The following MYRIP variants were observed in gnomAD, a reference collection of about 807,000 sequenced individuals.
MYRIP encodes the protein myosin VIIA and Rab interacting protein.
Under a neutral mutation model 98.0 loss-of-function variants are expected in MYRIP, and 49 were observed. The observed-to-expected ratio is 0.50, with a 90% CI of 0.40 to 0.63. MYRIP has a LOEUF of 0.63. Among genes scored for constraint, MYRIP ranks in the 30% least tolerant of loss-of-function variants. MYRIP has a pLI of 0.00. For missense variants in MYRIP, 1,004 were observed against 1,058.2 expected, an observed-to-expected ratio of 0.95 and a Z score of 0.71; for synonymous variants, 404 against 409.5, an observed-to-expected ratio of 0.99 and a Z score of 0.16.
chr3:40,116,941 G>A (rs1575550384), intron 3 of MYRIP, among the ~76,000 whole-genome samples: 1 of 152,092 alleles, frequency 6.6e-6, no homozygotes, highest in East Asian at 1.9e-4. Flanking sequence ...AGTTTCATAA[G>A]TTTGGAATGA....
chr3:40,032,699 G>A (rs1312042100), intron 2 of MYRIP, among the ~76,000 whole-genome samples: 2 of 152,026 alleles, frequency 1.3e-5, no homozygotes, highest in African/African-American at 2.4e-5. Flanking sequence ...GAAAAAGAGG[G>A]AATCCTCCCT....
intron 2 of MYRIP, among the ~76,000 whole-genome samples, chr3:39,904,538 GT>G (rs140670245): frequency 7.9e-5 from 12 of 151,316 alleles, no homozygotes; most frequent in Admixed American, 7.2e-4. Context: ...GCCTGGTCGT[GT>G]TTTTTTTTAT....
At chr3:39,965,985 A>G (rs1230852681) in intron 2 of MYRIP, among the ~76,000 whole-genome samples, 1 of 152,182 alleles carries the variant, frequency 6.6e-6, no homozygotes, top group African/African-American at 2.4e-5. Context: ...GTGAATGTTT[A>G]AGTCCTTATA....
At chr3:39,971,790 C>A (rs1945589532) in intron 2 of MYRIP, among the ~76,000 whole-genome samples, 1 of 152,034 alleles carries the variant, frequency 6.6e-6, no homozygotes. Context: ...GACAAGCACT[C>A]CGTTCTGTCT....
chr3:39,958,090 A>T (rs909869155), intron 2 of MYRIP, among the ~76,000 whole-genome samples: 1 of 152,232 alleles, frequency 6.6e-6, no homozygotes, highest in Admixed American at 6.5e-5. Context: ...ATATCATGAA[A>T]ATGGCCATAC....
rs140976200 is a variant in MYRIP at position 40,090,964 on chromosome 3, G to A, written c.332+46693G>A. 3.0e-3 allele frequency among the ~76,000 whole-genome samples: 461 copies of A among 152,274 alleles called. 2 individuals carry two copies. The highest frequency in any genetic ancestry group is 0.011 in the African/African-American group (443 of 41,558). ...CTTTCTTTCAGTCATGGTTTCTTGG[G>A]TGTGGACTTCAGGAGGTCCATATGT... On this transcript the variant is annotated intron_variant, in intron 3 of 16. Coordinates refer to ENST00000302541, the MANE Select transcript of MYRIP (RefSeq NM_015460.4).
chr3:40,164,203 T>C (rs1179967659), intron 5 of MYRIP, among the ~76,000 whole-genome samples: 6 of 152,138 alleles, frequency 3.9e-5, no homozygotes, highest in Admixed American at 1.3e-4. Flanking sequence ...AATCTTACAC[T>C]TTTCTTTCCA....
Position 39,939,909 on chromosome 3 carries a change from A to G in MYRIP, c.110+38983A>G, listed in dbSNP as rs528267729. 5.9e-4 allele frequency among the ~76,000 whole-genome samples: 90 copies of G among 152,232 alleles called. 2 individuals carry two copies. The Middle Eastern group carries it at 0.017, about 29-fold the overall frequency. ...AGAGTATAATTTCTGGGTGTGTGTA[A>G]TATGTATACATCAATGAGTATGTAT... On this transcript the variant is annotated intron_variant, in intron 2 of 16. Coordinates refer to ENST00000302541, the MANE Select transcript of MYRIP (RefSeq NM_015460.4).
intron 4 of MYRIP, among the ~76,000 whole-genome samples, chr3:40,158,070 TC>T (rs1950285083): frequency 6.6e-6 from 1 of 152,172 alleles, no homozygotes; most frequent in Non-Finnish European, 1.5e-5. Context: ...CTTTTCTAGT[TC>T]TTTTAATTGT....
intron 3 of MYRIP, among the ~76,000 whole-genome samples, chr3:40,067,209 C>A (rs1004162078): frequency 6.6e-6 from 1 of 152,172 alleles, no homozygotes; most frequent in African/African-American, 2.4e-5. Flanking sequence ...ACTAGACTCA[C>A]ATCTGCAATT....
intron 4 of MYRIP, among the ~76,000 whole-genome samples, chr3:40,155,406 G>T (rs138100787): frequency 4.6e-5 from 7 of 151,266 alleles, no homozygotes; most frequent in African/African-American, 1.7e-4. Flanking sequence ...GGACATTTGG[G>T]TTGGTTCCAA....
chr3:40,163,753 A>G (rs990315575), intron 5 of MYRIP, among the ~76,000 whole-genome samples: 3 of 152,124 alleles, frequency 2.0e-5, no homozygotes, highest in African/African-American at 7.2e-5. Context: ...GCTTGCACAC[A>G]GTATATCATG....
chr3:40,250,124 CA>C (rs1953326729), intron 13 of MYRIP, 97 bp from the exon 14 acceptor site: 3 of 968,376 alleles, frequency 3.1e-6, no homozygotes, highest in Non-Finnish European at 4.8e-6. Flanking sequence ...GAGCATACAT[CA>C]AAGCAGATTT....
intron 16 of MYRIP, among the ~76,000 whole-genome samples, chr3:40,257,538 A>C (rs1371772665): frequency 6.6e-6 from 1 of 152,224 alleles, no homozygotes; most frequent in East Asian, 1.9e-4. Flanking sequence ...AGTGGATTTT[A>C]ATAAATCACA....
chr3:40,142,039 T>A (rs1022460191), intron 3 of MYRIP, among the ~76,000 whole-genome samples: 1 of 148,578 alleles, frequency 6.7e-6, no homozygotes, highest in African/African-American at 2.5e-5. Context: ...CTGGGTAGTA[T>A]GCTGTTGATT....
intron 2 of MYRIP, among the ~76,000 whole-genome samples, chr3:39,987,210 A>G (rs1194711634): frequency 6.6e-6 from 1 of 151,780 alleles, no homozygotes; most frequent in Non-Finnish European, 1.5e-5. Flanking sequence ...CCCTGTGTCC[A>G]TGTGTTCTCA....
chr3:40,083,641 G>T (rs1403424445), intron 3 of MYRIP, among the ~76,000 whole-genome samples: 1 of 151,930 alleles, frequency 6.6e-6, no homozygotes, highest in Non-Finnish European at 1.5e-5. Flanking sequence ...AACTTCTAAA[G>T]GCTAAAGAAA....
chr3:39,907,823 C>T (rs1428189299), intron 2 of MYRIP, among the ~76,000 whole-genome samples: 6 of 152,148 alleles, frequency 3.9e-5, no homozygotes. Flanking sequence ...TTCCTGATGC[C>T]AGGGCTCCGT....
chr3:40,254,828 T>C (rs1401668165), intron 16 of MYRIP, among the ~76,000 whole-genome samples: 1 of 152,178 alleles, frequency 6.6e-6, no homozygotes, highest in Non-Finnish European at 1.5e-5. Flanking sequence ...ATCATCTAAC[T>C]AAGCTGCCTC....
Sources: allele counts gnomAD v4.1 joint callset (sites outside exome capture counted in the v4.1 genomes callset), GRCh38; gene constraint gnomAD v4.1.1; transcripts MANE v1.5; gene names NCBI Gene and HGNC (gene_info 2026-07-23, HGNC 2026-07-21).